The following TBC1D5 variants were observed in gnomAD, a reference collection of about 807,000 sequenced individuals.
TBC1D5 encodes the protein TBC1 domain family member 5.
In TBC1D5, 75 loss-of-function variants were observed where a neutral mutation model predicts 100.3. The observed-to-expected ratio is 0.75, with a 90% CI of 0.62 to 0.91. The LOEUF is 0.91. Among genes scored for constraint, TBC1D5 ranks in the 40% least tolerant of loss-of-function variants. The pLI is 0.00. For missense variants in TBC1D5, 910 were observed against 942.4 expected, an observed-to-expected ratio of 0.97 and a Z score of 0.45; for synonymous variants, 323 against 325.6, an observed-to-expected ratio of 0.99 and a Z score of 0.09.
chr3:17,583,282 C>A (rs1185471553), intron 2 of TBC1D5, among the ~76,000 whole-genome samples: 1 of 151,086 alleles, frequency 6.6e-6, no homozygotes, highest in African/African-American at 2.4e-5. Flanking sequence ...GACACCCAAT[C>A]TCAAAAAAAT....
chr3:17,630,034 C>T (rs1256178525), intron 1 of TBC1D5, among the ~76,000 whole-genome samples: 1 of 152,142 alleles, frequency 6.6e-6, no homozygotes, highest in Non-Finnish European at 1.5e-5. Flanking sequence ...TTTATGATCA[C>T]CCTATTCAGC....
At chr3:17,173,322 T>C (rs1011088949) in intron 19 of TBC1D5, among the ~76,000 whole-genome samples, 1 of 152,190 alleles carries the variant, frequency 6.6e-6, no homozygotes, top group African/African-American at 2.4e-5. Context: ...GGATGGGATA[T>C]TGGCACTGAC....
At chr3:17,684,654 G>A (rs1040766931) in intron 1 of TBC1D5, among the ~76,000 whole-genome samples, 2 of 151,918 alleles carry the variant, frequency 1.3e-5, no homozygotes, top group African/African-American at 4.8e-5. Context: ...TCACACAAGA[G>A]AATTATTAAC....
At chr3:17,394,916 A>T (rs2093457654) in intron 8 of TBC1D5, among the ~76,000 whole-genome samples, 1 of 152,094 alleles carries the variant, frequency 6.6e-6, no homozygotes, top group South Asian at 2.1e-4. Context: ...TAGTTCATAA[A>T]CAGGAGGTGA....
chr3:17,281,063 A>C (rs1322513507), intron 15 of TBC1D5, among the ~76,000 whole-genome samples: 2 of 152,198 alleles, frequency 1.3e-5, no homozygotes, highest in Admixed American at 6.5e-5. Flanking sequence ...CCGGTGCCAA[A>C]GCAGCCAGCT....
At chr3:17,287,621 G>C (rs1246594853) in intron 15 of TBC1D5, among the ~76,000 whole-genome samples, 1 of 152,218 alleles carries the variant, frequency 6.6e-6, no homozygotes, top group Non-Finnish European at 1.5e-5. Context: ...TCATAGGGTT[G>C]TTGATTAATG....
intron 15 of TBC1D5, among the ~76,000 whole-genome samples, chr3:17,263,877 A>G (rs1213298423): frequency 6.6e-6 from 1 of 152,240 alleles, no homozygotes; most frequent in Non-Finnish European, 1.5e-5. Context: ...AATAACAGCA[A>G]TCAAAATAGA....
intron 3 of TBC1D5, among the ~76,000 whole-genome samples, chr3:17,504,444 A>ATT (rs1267911571): frequency 3.3e-5 from 5 of 151,954 alleles, no homozygotes; most frequent in African/African-American, 1.2e-4. Context: ...ATAATAATAA[A>ATT]TTAAAAACAA....
chr3:17,313,838 A>G (rs1176563145), intron 13 of TBC1D5, among the ~76,000 whole-genome samples: 1 of 152,238 alleles, frequency 6.6e-6, no homozygotes, highest in Non-Finnish European at 1.5e-5. Flanking sequence ...TCAAAGGGAC[A>G]TGGCCAAAAT....
At chr3:17,682,044 T>C (rs1430056799) in intron 1 of TBC1D5, among the ~76,000 whole-genome samples, 5 of 151,458 alleles carry the variant, frequency 3.3e-5, no homozygotes, top group African/African-American at 4.9e-5. Flanking sequence ...ATCCCTACCC[T>C]TCCCCCCACC....
intron 13 of TBC1D5, among the ~76,000 whole-genome samples, chr3:17,357,534 T>C (rs2091326405): frequency 6.6e-6 from 1 of 152,158 alleles, no homozygotes; most frequent in Non-Finnish European, 1.5e-5. Context: ...AGGGAGTTAC[T>C]TATAGATGGC....
chr3:17,449,643 C>A (rs1047325561), intron 3 of TBC1D5, among the ~76,000 whole-genome samples: 19 of 152,286 alleles, frequency 1.2e-4, no homozygotes, highest in Non-Finnish European at 1.6e-4. Flanking sequence ...GAACCCACTG[C>A]AGTGCAGCAA....
intron 1 of TBC1D5, among the ~76,000 whole-genome samples, chr3:17,641,581 C>G (rs534073119): frequency 3.3e-4 from 50 of 152,222 alleles, no homozygotes; most frequent in African/African-American, 1.1e-3. Flanking sequence ...TCATTTGCTA[C>G]GCACCTTCCT....
At chr3:17,290,433 T>C (rs1266962674) in intron 15 of TBC1D5, among the ~76,000 whole-genome samples, 1 of 152,182 alleles carries the variant, frequency 6.6e-6, no homozygotes, top group African/African-American at 2.4e-5. Context: ...ATTACCAAGA[T>C]CGATAGGTTT....
At chr3:17,484,490 T>TGTGTGTGTGTGTGTGTGTGTGTGTG (rs2095536962) in intron 3 of TBC1D5, among the ~76,000 whole-genome samples, 7 of 99,438 alleles carry the variant, frequency 7.0e-5, no homozygotes, top group African/African-American at 2.9e-4. Flanking sequence ...GTGTGTGTGT[T>TGTGTGTGTGTGTGTGTGTGTGTGTG]TGGGTAACAA....
At chr3:17,298,062 T>C (rs935270583) in intron 14 of TBC1D5, among the ~76,000 whole-genome samples, 5 of 152,236 alleles carry the variant, frequency 3.3e-5, no homozygotes, top group Non-Finnish European at 5.9e-5. Context: ...GCCTGATTCA[T>C]ACATTTGACT....
intron 17 of TBC1D5, among the ~76,000 whole-genome samples, chr3:17,235,785 T>C (rs1382016703): frequency 6.6e-6 from 1 of 152,176 alleles, no homozygotes; most frequent in Non-Finnish European, 1.5e-5. Context: ...CAAACTACAC[T>C]ATCTTCTATC....
At chr3:17,530,212 C>T (rs2096201205) in intron 2 of TBC1D5, among the ~76,000 whole-genome samples, 1 of 149,428 alleles carries the variant, frequency 6.7e-6, no homozygotes, top group Non-Finnish European at 1.5e-5. Flanking sequence ...CCACTGCATT[C>T]CAGTCTGGGC....
In TBC1D5 at chr3:17,276,907, C is replaced by T. The variant is rs55945276; in HGVS notation, c.1245+14988G>A. Among the ~76,000 whole-genome samples the T allele has an allele frequency of 9.2e-3, 1,401 of 152,330 alleles. 18 individuals carry two copies. Among genetic ancestry groups the T allele is most frequent in the African/African-American group, 0.031 (1,303 of 41,566 alleles). ...TGAATTGCCATGCTAATTTTTCATC[C>T]TGCTGGCAATGTCAATGTACAGGGC... On this transcript the variant is annotated intron_variant, in intron 15 of 21. Transcript: ENST00000253692.
Sources: allele counts gnomAD v4.1 joint callset (sites outside exome capture counted in the v4.1 genomes callset), GRCh38; gene constraint gnomAD v4.1.1; transcripts MANE v1.5; gene names NCBI Gene and HGNC (gene_info 2026-07-23, HGNC 2026-07-21).